Variants in RASA3 observed in about 807,000 individuals in gnomAD.
The protein encoded by RASA3 is RAS p21 protein activator 3.
A neutral mutation model predicts 110.0 loss-of-function variants in RASA3; 73 were observed. The observed-to-expected ratio is 0.66, with a 90% CI of 0.55 to 0.81. The LOEUF (loss-of-function observed/expected upper bound fraction) is 0.81. Ranked by LOEUF, RASA3 falls within the 30% of genes least tolerant of loss-of-function variation. The pLI, the probability that RASA3 is intolerant of heterozygous loss-of-function variation, is 0.00. For synonymous variants in RASA3, 500 were observed against 451.4 expected (o/e 1.11, Z -1.37); for missense variants, 976 against 1,113.2 (o/e 0.88, Z 1.75).
At chr13:114,105,213 G>A (rs2080117745) in intron 1 of RASA3, among the ~76,000 whole-genome samples, 1 of 152,092 alleles carries the variant, frequency 6.6e-6, no homozygotes, top group Non-Finnish European at 1.5e-5. Context: ...GGGACTGGGA[G>A]GACGACCCCC....
At chr13:114,068,866 T>G (rs1011412408) in intron 2 of RASA3, among the ~76,000 whole-genome samples, 1 of 152,196 alleles carries the variant, frequency 6.6e-6, no homozygotes, top group Non-Finnish European at 1.5e-5. Context: ...GAGAAAGGGC[T>G]TGTTCTCTGA....
At chr13:114,105,669 C>T (rs117058008) in intron 1 of RASA3, among the ~76,000 whole-genome samples, 2,110 of 152,324 alleles carry the variant, frequency 0.014, 130 homozygotes, top group Admixed American at 0.099. Flanking sequence ...GAGGCACTGG[C>T]GTCTGCAGCA....
rs2079264615 is a variant in RASA3 at position 114,057,437 on chromosome 13, A to C, written c.174-5282T>G. The C allele has an allele frequency of 2.0e-6, 2 of 985,392 alleles. No individual in the cohort carries two copies. The highest frequency in any genetic ancestry group is 1.2e-6 in the Non-Finnish European group (1 of 829,922). The allele number at this position is 985,392 out of a possible 1,614,324, so 61.0% of individuals were successfully genotyped here. A position where few individuals can be genotyped will look rare whatever the true frequency, so the allele number is the denominator to read the frequency against. On this transcript the variant is annotated intron_variant, in intron 2 of 23. Transcript: ENST00000334062. This position sits in a 1 kb window ranked among gnomAD's most constrained non-coding sequence, Gnocchi z 5.0. Reference sequence around the variant, plus strand: ...ACAGGCCTTGCACTCATTTTAATGAAGGCTCTGCAGGATTTCAAGGAAAGC... The same window carrying C: ...ACAGGCCTTGCACTCATTTTAATGACGGCTCTGCAGGATTTCAAGGAAAGC...
Position 114,053,571 on chromosome 13 carries a change from CCACA to C in RASA3, c.174-1420_174-1417del, listed in dbSNP as rs540902844. On this transcript the variant is annotated intron_variant, in intron 2 of 23. Transcript: ENST00000334062. Reference sequence around the variant, plus strand: ...GTCAACGTGCTGGGCCAGGGGGCGTCCACACAGTCACCAACGGCACAGGCCCCAC... The same window carrying C: ...GTCAACGTGCTGGGCCAGGGGGCGTCCAGTCACCAACGGCACAGGCCCCAC... 1.6e-3 allele frequency among the ~76,000 whole-genome samples: 239 copies of C among 152,358 alleles called. 1 individual carries two copies. The highest frequency in any genetic ancestry group is 5.5e-3 in the African/African-American group (227 of 41,586).
intron 1 of RASA3, among the ~76,000 whole-genome samples, chr13:114,129,344 T>G (rs2080489587): frequency 6.6e-6 from 1 of 152,230 alleles, no homozygotes. Context: ...GCCAGATTCT[T>G]CAAGACAAAG....
intron 4 of RASA3, among the ~76,000 whole-genome samples, chr13:114,037,033 C>T (rs759835934): frequency 3.9e-5 from 6 of 152,142 alleles, no homozygotes; most frequent in Non-Finnish European, 7.3e-5. Flanking sequence ...TGCAAATTCC[C>T]GGGAGACTGA....
intron 2 of RASA3, among the ~76,000 whole-genome samples, chr13:114,063,773 C>G (rs1261649605): frequency 7.2e-6 from 1 of 139,638 alleles, no homozygotes; most frequent in Non-Finnish European, 1.5e-5. Context: ...GCCTTTGAAA[C>G]ACAAAGCCAC....
chr13:113,979,815 C>T (rs558084187), intron 23 of RASA3, among the ~76,000 whole-genome samples: 5 of 152,116 alleles, frequency 3.3e-5, no homozygotes, highest in Admixed American at 6.5e-5. Flanking sequence ...ACTCAGCAGG[C>T]GTGGGCACCT....
Position 114,056,514 on chromosome 13 carries a change from G to A in RASA3, c.174-4359C>T, listed in dbSNP as rs1195324832. 2.0e-6 allele frequency: 2 copies of A among 985,272 alleles called. No individual in the cohort carries two copies. The highest frequency in any genetic ancestry group is 2.3e-4 in the East Asian group (2 of 8,760). The allele number at this position is 985,272 out of a possible 1,614,324, so 61.0% of individuals were successfully genotyped here. On this transcript the variant is annotated intron_variant, in intron 2 of 23. Transcript: ENST00000334062. This position sits in a 1 kb window ranked among gnomAD's most constrained non-coding sequence, Gnocchi z 5.7. ...CGTCCCTGGGCGCTGCCCGGTAGCGGGGTGTTCAGTTGCTCTGCCAAAGGC... is the reference window on the plus strand; with the variant it reads ...CGTCCCTGGGCGCTGCCCGGTAGCGAGGTGTTCAGTTGCTCTGCCAAAGGC...
rs778791691 is a variant in RASA3 at position 114,027,860 on chromosome 13, C to T, written c.517G>A (p.Ala173Thr). The change falls in exon 6 of 24, where the codon GCA becomes ACA. Residue 173 changes from alanine (A) to threonine (T), a missense_variant. Coordinates refer to ENST00000334062, the MANE Select transcript of RASA3 (RefSeq NM_007368.4). ...GAGGCAACTTGCCTGAAGGGTCCTG[C>T]CAGCGTCACGGTGGCGTAGGGGTCA... Reference protein sequence around the residue: ...QCDPYATVTLAGPFRSEAKKT... With the variant: ...QCDPYATVTLTGPFRSEAKKT... 9.3e-6 allele frequency: 15 copies of T among 1,613,914 alleles called. No homozygotes were observed. The South Asian group carries it at 1.6e-4, about 18-fold the overall frequency.
intron 4 of RASA3, among the ~76,000 whole-genome samples, chr13:114,039,328 G>A (rs2054346105): frequency 1.4e-5 from 2 of 147,252 alleles, no homozygotes; most frequent in South Asian, 2.1e-4. Flanking sequence ...TGTGTCCCAG[G>A]GACGCTGTGC....
At chr13:114,122,336 G>A (rs76125116) in intron 1 of RASA3, among the ~76,000 whole-genome samples, 19,004 of 152,276 alleles carry the variant, frequency 0.12, 1,369 homozygotes, top group Middle Eastern at 0.21. Flanking sequence ...CCCGGACCTC[G>A]GAGGAGAGTC....
At chr13:114,018,465 C>G (rs1022511963) in intron 10 of RASA3, among the ~76,000 whole-genome samples, 4 of 152,208 alleles carry the variant, frequency 2.6e-5, no homozygotes, top group Non-Finnish European at 4.4e-5. Flanking sequence ...TAGCGACCCC[C>G]CCATGCAGCC....
At chr13:114,029,754 C>G in intron 5 of RASA3, 57 bp downstream of exon 5, 1 of 1,497,770 alleles carries the variant, frequency 6.7e-7, no homozygotes, top group Non-Finnish European at 9.1e-7. Flanking sequence ...GTGTGCTCCT[C>G]GGGAGCCAGA....
chr13:113,998,587 C>T (rs1307387856), intron 20 of RASA3, among the ~76,000 whole-genome samples: 3 of 152,206 alleles, frequency 2.0e-5, no homozygotes, highest in Non-Finnish European at 4.4e-5. Context: ...TGAAGGGGCA[C>T]TGAGTCACCA....
At chr13:114,102,582 C>T (rs926532077) in intron 1 of RASA3, among the ~76,000 whole-genome samples, 4 of 152,164 alleles carry the variant, frequency 2.6e-5, no homozygotes, top group Non-Finnish European at 4.4e-5. Flanking sequence ...GGAACCATCA[C>T]GACCCCATTT....
chr13:114,021,255 G>C (rs1313561022), intron 9 of RASA3, 149 bp downstream of exon 9: 2 of 661,062 alleles, frequency 3.0e-6, no homozygotes, highest in South Asian at 1.9e-5. Flanking sequence ...GCCAGAGCTC[G>C]TCAGAGCTAC....
chr13:114,025,836 AG>A (rs1387783644), intron 7 of RASA3, among the ~76,000 whole-genome samples: 1 of 152,164 alleles, frequency 6.6e-6, no homozygotes, highest in Non-Finnish European at 1.5e-5. Context: ...GTCTGACCAC[AG>A]CCCGCGGGGG....
At chr13:114,068,553 C>T (rs973521786) in intron 2 of RASA3, among the ~76,000 whole-genome samples, 12 of 152,236 alleles carry the variant, frequency 7.9e-5, no homozygotes, top group African/African-American at 2.9e-4. Flanking sequence ...ACGGTGATTT[C>T]CACTGCAGCG....
Sources: gnomAD v4.1 joint callset for allele counts (sites outside exome capture counted in the v4.1 genomes callset) on GRCh38, gnomAD v4.1.1 for gene constraint, Gnocchi (gnomAD v3.1) non-coding constraint, MANE v1.5 for transcripts, NCBI Gene and HGNC (gene_info 2026-07-23, HGNC 2026-07-21) for gene names.